The following DCLK1 variants were observed in gnomAD, a reference collection of about 807,000 sequenced individuals.
The protein encoded by DCLK1 is doublecortin like kinase 1.
A neutral mutation model predicts 86.2 loss-of-function variants in DCLK1; 16 were observed. The ratio of observed to expected loss-of-function variants is 0.19; its 90% CI spans 0.13 to 0.28. DCLK1 has a LOEUF of 0.28. Ranked by LOEUF, DCLK1 falls within the 10% of genes least tolerant of loss-of-function variation. The pLI is 1.00. For missense variants in DCLK1, 590 were observed against 940.2 expected (o/e 0.63, Z 4.87); for synonymous variants, 369 against 370.5 (o/e 1.00, Z 0.05).
intron 3 of DCLK1, among the ~76,000 whole-genome samples, chr13:35,951,594 GC>G (rs1185637704): frequency 6.6e-6 from 1 of 151,534 alleles, no homozygotes. Flanking sequence ...TTTACTGAGT[GC>G]CCATTATTTG....
At chr13:35,993,099 G>T (rs576846459) in intron 3 of DCLK1, among the ~76,000 whole-genome samples, 1 of 152,230 alleles carries the variant, frequency 6.6e-6, no homozygotes, top group Non-Finnish European at 1.5e-5. Context: ...CAGCACAATT[G>T]CTTGCTCAGC....
At chr13:36,120,418 C>T (rs1009703247) in intron 2 of DCLK1, among the ~76,000 whole-genome samples, 3 of 152,084 alleles carry the variant, frequency 2.0e-5, no homozygotes, top group African/African-American at 7.2e-5. Flanking sequence ...TAATTGTCTA[C>T]AGTATTTAGT....
chr13:35,848,998 A>T (rs1870410674), intron 6 of DCLK1: 1 of 985,200 alleles, frequency 1.0e-6, no homozygotes, highest in Non-Finnish European at 1.2e-6. Context: ...TGGAACAGGT[A>T]TTATTATGAA....
At chr13:36,041,555 AGATT>A (rs1235751522) in intron 3 of DCLK1, among the ~76,000 whole-genome samples, 1 of 152,190 alleles carries the variant, frequency 6.6e-6, no homozygotes, top group East Asian at 1.9e-4. Flanking sequence ...TAATACAGTT[AGATT>A]GTTTTTGTCT....
chr13:35,867,118 C>T (rs1871852346), intron 5 of DCLK1, among the ~76,000 whole-genome samples: 1 of 152,216 alleles, frequency 6.6e-6, no homozygotes. Flanking sequence ...CCCTGTGAAA[C>T]TCTCTAAATT....
Position 35,947,341 on chromosome 13 carries a change from AC to A in DCLK1, c.823+16del, listed in dbSNP as rs1877441019. The A allele has an allele frequency of 6.2e-7, 1 of 1,606,956 alleles. No homozygotes were observed. Among genetic ancestry groups the A allele is most frequent in the Non-Finnish European group, 8.5e-7 (1 of 1,174,130 alleles). On this transcript the variant is annotated intron_variant, in intron 4 of 16. Transcript: ENST00000360631. ...TGCCTCAAATTTCCCCTGGTTTTGA[AC>A]TTTTTTTTTCCTTACCACTTTCATC...
chr13:35,899,351 G>A (rs190584038), intron 4 of DCLK1, among the ~76,000 whole-genome samples: 59 of 90,786 alleles, frequency 6.5e-4, no homozygotes, highest in African/African-American at 2.2e-3. Flanking sequence ...GTGTGTGTGT[G>A]TGTGTGTGTG....
At chr13:35,908,479 G>A (rs1438042733) in intron 4 of DCLK1, among the ~76,000 whole-genome samples, 1 of 152,150 alleles carries the variant, frequency 6.6e-6, no homozygotes, top group East Asian at 1.9e-4. Flanking sequence ...TCCTTTGTTG[G>A]GGCATGATTT....
chr13:36,030,726 T>C (rs1882236523), intron 3 of DCLK1, among the ~76,000 whole-genome samples: 1 of 152,098 alleles, frequency 6.6e-6, no homozygotes, highest in Non-Finnish European at 1.5e-5. Context: ...AAGCAAACTT[T>C]TTCAACAGAG....
At position 35,886,175 on chromosome 13, in the gene DCLK1, C is replaced by T. The variant is rs140200390; in HGVS notation, c.824-14835G>A. Among the ~76,000 whole-genome samples, 487 of 152,102 alleles carry T rather than the reference C, an allele frequency of 3.2e-3. 6 individuals carry two copies. The highest frequency in any genetic ancestry group is 0.011 in the African/African-American group (460 of 41,498). On this transcript the variant is annotated intron_variant, in intron 4 of 16. Transcript: ENST00000360631. ...TACAGGCACATGCCACCATGCCTGG[C>T]TAATTTTTTGTATTTTTAGTAGAGA...
chr13:35,966,832 G>A (rs919692174), intron 3 of DCLK1, among the ~76,000 whole-genome samples: 3 of 152,000 alleles, frequency 2.0e-5, no homozygotes, highest in African/African-American at 7.2e-5. Context: ...CTGGAGTGCA[G>A]TGGCGTGATC....
At chr13:35,903,844 C>T (rs1455306429) in intron 4 of DCLK1, among the ~76,000 whole-genome samples, 1 of 151,998 alleles carries the variant, frequency 6.6e-6, no homozygotes, top group East Asian at 1.9e-4. Flanking sequence ...AAAAGCATAA[C>T]AAAATGCAAA....
chr13:35,787,260 A>G (rs901823642), intron 16 of DCLK1, among the ~76,000 whole-genome samples: 1 of 148,390 alleles, frequency 6.7e-6, no homozygotes, highest in African/African-American at 2.6e-5. Flanking sequence ...TTTGGAAAAA[A>G]CAAATGCCAA....
intron 4 of DCLK1, among the ~76,000 whole-genome samples, chr13:35,872,938 C>T (rs1406725978): frequency 6.6e-6 from 1 of 152,080 alleles, no homozygotes; most frequent in Admixed American, 6.6e-5. Context: ...TCTTGGTCAA[C>T]CCATAGCAAT....
intron 15 of DCLK1, among the ~76,000 whole-genome samples, chr13:35,798,767 T>C (rs2086861255): frequency 6.6e-6 from 1 of 152,254 alleles, no homozygotes; most frequent in African/African-American, 2.4e-5. Flanking sequence ...TGCAGTGTCA[T>C]TGGGCTTCAC....
chr13:36,066,747 G>A (rs1883765954), intron 3 of DCLK1, among the ~76,000 whole-genome samples: 2 of 152,066 alleles, frequency 1.3e-5, no homozygotes, highest in South Asian at 4.2e-4. Context: ...AGTGGGCGAA[G>A]GACATGAACA....
At chr13:35,785,068 G>A (rs1037055970) in intron 16 of DCLK1, among the ~76,000 whole-genome samples, 1 of 152,134 alleles carries the variant, frequency 6.6e-6, no homozygotes, top group African/African-American at 2.4e-5. Context: ...TCTTGCCTGA[G>A]AACTCAACCA....
chr13:35,897,625 T>G (rs1734504189), intron 4 of DCLK1, among the ~76,000 whole-genome samples: 1 of 152,208 alleles, frequency 6.6e-6, no homozygotes, highest in African/African-American at 2.4e-5. Context: ...GACATATTTC[T>G]AAAGTAGCAC....
chr13:35,844,172 G>T lies in DCLK1; in HGVS notation c.1036-4996C>A, dbSNP rs549722941. 3.3e-5 allele frequency among the ~76,000 whole-genome samples: 5 copies of T among 152,232 alleles called. No individual in the cohort carries two copies. The South Asian group carries it at 1.0e-3, about 32-fold the overall frequency. ...ACATTCAGCCTAAATAAAGTTTATGGCACAGATAAGCATGAGCATAAGTAA... is the reference window on the plus strand; with the variant it reads ...ACATTCAGCCTAAATAAAGTTTATGTCACAGATAAGCATGAGCATAAGTAA... On this transcript the variant is annotated intron_variant, in intron 6 of 16. Coordinates refer to ENST00000360631, the MANE Select transcript of DCLK1 (RefSeq NM_001330071.2).
Sources: gnomAD v4.1 joint callset for allele counts (sites outside exome capture counted in the v4.1 genomes callset) on GRCh38, gnomAD v4.1.1 for gene constraint, MANE v1.5 for transcripts, NCBI Gene and HGNC (gene_info 2026-07-23, HGNC 2026-07-21) for gene names.